The following CCDC7 variants were observed in gnomAD, a reference collection of about 807,000 sequenced individuals.
CCDC7 encodes coiled-coil domain containing 7.
A neutral mutation model predicts 196.9 loss-of-function variants in CCDC7; 183 were observed. The observed-to-expected ratio is 0.93, with a 90% CI of 0.82 to 1.05. The LOEUF (loss-of-function observed/expected upper bound fraction) is 1.05, where lower values mean the gene tolerates loss of function less well. Ranked by LOEUF, CCDC7 falls within the 50% of genes least tolerant of loss-of-function variation. The probability of loss-of-function intolerance (pLI) is 0.00; values close to 1 mark genes in which losing one functional copy is unlikely to be tolerated. For missense variants in CCDC7, 1,540 were observed against 1,482.2 expected, an observed-to-expected ratio of 1.04 and a Z score of -0.64; for synonymous variants, 525 against 484.6, an observed-to-expected ratio of 1.08 and a Z score of -1.10.
intron 28 of CCDC7, 28 bp from the exon 30 acceptor site, chr10:32,778,949 C>T (rs774778283): frequency 6.7e-7 from 1 of 1,500,344 alleles, no homozygotes; most frequent in South Asian, 1.2e-5. Flanking sequence ...TTTAAATCAA[C>T]TACTTTGACA....
intron 5 of CCDC7, 77 bp downstream of exon 6, chr10:32,463,126 TA>T: frequency 6.5e-7 from 1 of 1,531,710 alleles, no homozygotes; most frequent in Middle Eastern, 2.0e-4. Context: ...ATGTATAAGT[TA>T]AGTATGTATA....
intron 11 of CCDC7, among the ~76,000 whole-genome samples, chr10:32,520,417 G>C (rs974691934): frequency 1.3e-5 from 2 of 152,010 alleles, no homozygotes; most frequent in African/African-American, 2.4e-5. Context: ...CATTTTAACT[G>C]GGGCAAGATG....
At chr10:32,593,508 C>T (rs1012072216) in intron 18 of CCDC7, among the ~76,000 whole-genome samples, 2 of 152,148 alleles carry the variant, frequency 1.3e-5, no homozygotes, top group African/African-American at 4.8e-5. Flanking sequence ...TGCCTGTTCA[C>T]TCTGATGATA....
intron 21 of CCDC7, among the ~76,000 whole-genome samples, chr10:32,669,230 C>T (rs1010377280): frequency 6.6e-6 from 1 of 152,022 alleles, no homozygotes; most frequent in African/African-American, 2.4e-5. Flanking sequence ...CATCCTTGCA[C>T]CCAGGAGATA....
chr10:32,882,794 C>A (rs2094836761), exon 23 of CCDC7: 1 of 152,142 alleles, frequency 6.6e-6, no homozygotes, highest in South Asian at 2.1e-4. Context: ...CAGCTTACTT[C>A]TATTCGCCAG....
rs865847374 is a variant in CCDC7 at position 32,560,532 on chromosome 10, A to G, written c.1135-5026A>G. Among the ~76,000 whole-genome samples, 48 of 152,372 alleles carry G rather than the reference A, an allele frequency of 3.2e-4. No individual in the cohort carries two copies. The Middle Eastern group carries it at 0.017, about 54-fold the overall frequency. On this transcript the variant is annotated intron_variant, in intron 13 of 41. Transcript: ENST00000639629. ...GGGCCAATATTCAACATTCTTAAAG[A>G]AAAGAATTTTCACCCAGAATTTCAT...
At chr10:32,476,357 GTTTCAATAGTT>G (rs2038975050) in intron 8 of CCDC7, among the ~76,000 whole-genome samples, 1 of 152,108 alleles carries the variant, frequency 6.6e-6, no homozygotes, top group Admixed American at 6.5e-5. Flanking sequence ...GTTCCTCTGT[GTTTCAATAGTT>G]TGTCAAAGTT....
At chr10:32,667,259 T>C (rs939784350) in intron 21 of CCDC7, among the ~76,000 whole-genome samples, 2 of 152,148 alleles carry the variant, frequency 1.3e-5, no homozygotes, top group Admixed American at 6.6e-5. Flanking sequence ...TTTGTAGATT[T>C]TGGATATTAG....
chr10:32,678,881 G>T (rs535348128), intron 21 of CCDC7, among the ~76,000 whole-genome samples: 1 of 152,172 alleles, frequency 6.6e-6, no homozygotes, highest in South Asian at 2.1e-4. Flanking sequence ...AATTCCAGAG[G>T]TCTCATAAAG....
At chr10:32,600,487 T>C (rs1394483346) in intron 18 of CCDC7, among the ~76,000 whole-genome samples, 1 of 152,130 alleles carries the variant, frequency 6.6e-6, no homozygotes, top group Non-Finnish European at 1.5e-5. Context: ...TCTAGGTATA[T>C]GATCATATCA....
chr10:32,536,664 C>T (rs1393542441), intron 11 of CCDC7, among the ~76,000 whole-genome samples: 1 of 151,986 alleles, frequency 6.6e-6, no homozygotes, highest in Non-Finnish European at 1.5e-5. Context: ...TTCCTCCTAC[C>T]ACTCTCCACT....
intron 18 of CCDC7, among the ~76,000 whole-genome samples, chr10:32,605,762 G>T (rs2061501176): frequency 6.6e-6 from 1 of 152,154 alleles, no homozygotes; most frequent in South Asian, 2.1e-4. Context: ...CAGGAGCAAA[G>T]AAATGACTTA....
chr10:32,770,153 G>T (rs1240932122), intron 28 of CCDC7, among the ~76,000 whole-genome samples: 2 of 152,014 alleles, frequency 1.3e-5, no homozygotes, highest in Admixed American at 1.3e-4. Flanking sequence ...CTTTTCTTCT[G>T]CTAGTTTTGG....
At chr10:32,814,063 T>C (rs2087796273) in intron 30 of CCDC7, among the ~76,000 whole-genome samples, 1 of 152,172 alleles carries the variant, frequency 6.6e-6, no homozygotes, top group South Asian at 2.1e-4. Flanking sequence ...GTTTGAGTGA[T>C]TCTTCTGCCT....
At chr10:32,744,020 GGA>G (rs2074268624) in intron 28 of CCDC7, among the ~76,000 whole-genome samples, 1 of 150,894 alleles carries the variant, frequency 6.6e-6, no homozygotes. Flanking sequence ...GATAGCATTA[GGA>G]GATATACCTA....
intron 29 of CCDC7, among the ~76,000 whole-genome samples, chr10:32,782,695 A>C (rs10827127): frequency 0.14 from 21,075 of 152,232 alleles, 1,766 homozygotes; most frequent in East Asian, 0.25. Flanking sequence ...TATCCAAAAC[A>C]ATTTTGAAAA....
chr10:32,633,070 A>G (rs2139530941), intron 18 of CCDC7, among the ~76,000 whole-genome samples: 1 of 152,214 alleles, frequency 6.6e-6, no homozygotes, highest in East Asian at 1.9e-4. Flanking sequence ...TTGTTGTAGT[A>G]TCTATCTGTA....
chr10:32,531,307 A>G (rs1053443135), intron 11 of CCDC7, among the ~76,000 whole-genome samples: 4 of 152,104 alleles, frequency 2.6e-5, no homozygotes, highest in African/African-American at 9.7e-5. Flanking sequence ...TATCTTTTAC[A>G]GAGATGAGGT....
At chr10:32,698,415 A>C (rs973672112) in intron 24 of CCDC7, among the ~76,000 whole-genome samples, 3 of 152,204 alleles carry the variant, frequency 2.0e-5, no homozygotes, top group African/African-American at 4.8e-5. Flanking sequence ...GAGCTAAAGG[A>C]GGATGCTCGA....
Sources: allele counts gnomAD v4.1 joint callset (sites outside exome capture counted in the v4.1 genomes callset), GRCh38; gene constraint gnomAD v4.1.1; transcripts MANE v1.5; gene names NCBI Gene and HGNC (gene_info 2026-07-23, HGNC 2026-07-21).